SPTY2D1: variants seen among roughly 807,000 people sequenced by gnomAD.
The protein encoded by SPTY2D1 is SPT2 chromatin protein domain containing 1.
Under a neutral mutation model 64.0 loss-of-function variants are expected in SPTY2D1, and 21 were observed. That is an observed-to-expected ratio of 0.33 (90% CI 0.23 to 0.47). SPTY2D1 has a LOEUF of 0.47. Ranked by LOEUF, SPTY2D1 falls within the 20% of genes least tolerant of loss-of-function variation. The pLI is 1.00. For synonymous variants in SPTY2D1, 287 were observed against 286.8 expected (o/e 1.00, Z -0.01); for missense variants, 724 against 837.2 (o/e 0.86, Z 1.67).
chr11:18,634,212 C>T lies in SPTY2D1; in HGVS notation c.46G>A (p.Val16Ile). 1 of 1,614,220 alleles carries T rather than the reference C, an allele frequency of 6.2e-7. No homozygotes were observed. The highest frequency in any genetic ancestry group is 8.5e-7 in the Non-Finnish European group (1 of 1,180,034). The change falls in exon 1 of 6, where the codon GTC becomes ATC. Residue 16 changes from valine (V) to isoleucine (I), a missense_variant. Physicochemically the swap from Val to Ile is conservative, Grantham distance 29 (BLOSUM62 3). Transcript: ENST00000336349. ...CTGCTACTTACCGGCACATTGTTGACACCTTGTCCCTTGGAAGCTATCATG... is the reference window on the plus strand; with the variant it reads ...CTGCTACTTACCGGCACATTGTTGATACCTTGTCCCTTGGAAGCTATCATG... ...ILMIASKGQG[V>I]NNVPKRYSLA...
Position 18,612,603 on chromosome 11 carries a change from C to T in SPTY2D1, c.1712-115G>A. 2.2e-6 allele frequency: 2 copies of T among 918,048 alleles called. No individual in the cohort carries two copies. The highest frequency in any genetic ancestry group is 4.7e-5 in the South Asian group (2 of 42,120). The allele number at this position is 918,048 out of a possible 1,614,324, so 56.9% of individuals were successfully genotyped here. ...TGGTATCCTTTAAAACCAGAGCAAG[C>T]AGGCTGGCCCTTAGCGCAGAGCCAT... On this transcript the variant is annotated intron_variant, in intron 3 of 5. Transcript: ENST00000336349. The surrounding 1 kb of genome is among the most constrained non-coding windows in gnomAD (Gnocchi z 4.6).
At position 18,634,312 on chromosome 11, in the gene SPTY2D1, A is replaced by G; in HGVS notation, c.-55T>C. 6.3e-7 allele frequency: 1 copy of G among 1,598,512 alleles called. No individual in the cohort carries two copies. The highest frequency in any genetic ancestry group is 8.6e-7 in the Non-Finnish European group (1 of 1,167,462). ...GGCACTCGGAAAGGACTGACAGCGC[A>G]CCTAACCGAGGCGCCCAGCTACAGC... is the stretch of plus-strand genomic sequence containing the variant. On this transcript the variant is annotated 5_prime_UTR_variant, in exon 1 of 6. Transcript: ENST00000336349.
At position 18,616,073 on chromosome 11, in the gene SPTY2D1, C is replaced by T; in HGVS notation, c.201G>A (p.Glu67=). The T allele has an allele frequency of 2.5e-6, 4 of 1,609,530 alleles. No homozygotes were observed. Among genetic ancestry groups the T allele is most frequent in the Non-Finnish European group, 3.4e-6 (4 of 1,177,952 alleles). The part of the protein sequence containing the change: ...RKALEEKRRK[E]ELVKKRIELK... ...GCTCAATTCGCTTTTTCACTAGTTCCTCTTTTCTCCTTTTCTCCTCTAAGG... is the reference window on the plus strand; with the variant it reads ...GCTCAATTCGCTTTTTCACTAGTTCTTCTTTTCTCCTTTTCTCCTCTAAGG... The change falls in exon 3 of 6, where the codon GAG becomes GAA. Residue 67 remains glutamate (E), a synonymous_variant. Transcript: ENST00000336349.
intron 1 of SPTY2D1, among the ~76,000 whole-genome samples, chr11:18,620,239 A>G (rs1388418234): frequency 1.3e-5 from 2 of 151,756 alleles, no homozygotes; most frequent in African/African-American, 4.8e-5. Flanking sequence ...CTTTGGGAGG[A>G]CAAGGCGGGC....
chr11:18,629,999 T>C (rs895761648), intron 1 of SPTY2D1, among the ~76,000 whole-genome samples: 3 of 150,802 alleles, frequency 2.0e-5, no homozygotes, highest in African/African-American at 7.3e-5. Flanking sequence ...TGAAACCCCA[T>C]CTCTACTAAA....
At position 18,607,507 on chromosome 11, in the gene SPTY2D1, T is replaced by C. The variant is rs893162831; in HGVS notation, c.*2354A>G. 2.0e-5 allele frequency: 3 copies of C among 152,610 alleles called. No homozygotes were observed. Among genetic ancestry groups the C allele is most frequent in the African/African-American group, 4.8e-5 (2 of 41,438 alleles). 9.5% of individuals were successfully genotyped at this position (152,610 alleles called of 1,614,324 possible). On this transcript the variant is annotated 3_prime_UTR_variant, in exon 6 of 6. Coordinates refer to ENST00000336349, the MANE Select transcript of SPTY2D1 (RefSeq NM_194285.3). ...TACCCAAAAGGCACATCTTCAAATG[T>C]TGAATTAAGAAAATCCAAAAATCAA...
At chr11:18,611,616 CCT>C in intron 4 of SPTY2D1, 62 bp from the exon 5 acceptor site, 2 of 1,331,676 alleles carry the variant, frequency 1.5e-6, no homozygotes, top group Non-Finnish European at 2.1e-6. Context: ...GGAACTACGT[CCT>C]CTCATTTAAA....
intron 1 of SPTY2D1, 76 bp from the exon 2 acceptor site, chr11:18,617,065 G>C (rs915772701): frequency 1.8e-5 from 20 of 1,134,868 alleles, no homozygotes; most frequent in Middle Eastern, 4.1e-4. Flanking sequence ...CACTGTGCCA[G>C]GTAATAAGAG....
At chr11:18,617,824 C>A (rs1399083663) in intron 1 of SPTY2D1, among the ~76,000 whole-genome samples, 1 of 151,614 alleles carries the variant, frequency 6.6e-6, no homozygotes, top group Non-Finnish European at 1.5e-5. Flanking sequence ...CATCCGTAAT[C>A]CCAGCTGCTT....
At chr11:18,611,749 C>T (rs1272833707) in intron 4 of SPTY2D1, among the ~76,000 whole-genome samples, 195 bp from the exon 5 acceptor site, 3 of 152,146 alleles carry the variant, frequency 2.0e-5, no homozygotes, top group East Asian at 1.9e-4. Context: ...TTTAGATAAG[C>T]CCTTATTACC....
Position 18,611,569 on chromosome 11 carries a change from T to C in SPTY2D1, c.1887-15A>G. 1 of 1,607,238 alleles carries C rather than the reference T, an allele frequency of 6.2e-7. No homozygotes were observed. ...CATCTTTGTATCTGATAAAAGGAAATCAAAATGATAAAAAGAGAAAACTTC... is the reference window on the plus strand; with the variant it reads ...CATCTTTGTATCTGATAAAAGGAAACCAAAATGATAAAAAGAGAAAACTTC... On this transcript the variant is annotated splice_polypyrimidine_tract_variant and intron_variant, in intron 4 of 5. Coordinates refer to ENST00000336349, the MANE Select transcript of SPTY2D1 (RefSeq NM_194285.3).
intron 1 of SPTY2D1, among the ~76,000 whole-genome samples, chr11:18,626,865 C>A (rs1435395653): frequency 6.6e-6 from 1 of 152,098 alleles, no homozygotes; most frequent in East Asian, 1.9e-4. Flanking sequence ...TTCTAAAAGA[C>A]CCTCTCCCTA....
At chr11:18,623,164 T>TATC (rs367624802) in intron 1 of SPTY2D1, among the ~76,000 whole-genome samples, 68 of 152,278 alleles carry the variant, frequency 4.5e-4, no homozygotes, top group African/African-American at 1.6e-3. Flanking sequence ...TTTTTTAAGT[T>TATC]ATCACAAATT....
Position 18,615,287 on chromosome 11 carries a change from A to G in SPTY2D1, c.987T>C (p.Ala329=), listed in dbSNP as rs534177524. 19 of 1,614,236 alleles carry G rather than the reference A, an allele frequency of 1.2e-5. No individual in the cohort carries two copies. The African/African-American group carries it at 2.5e-4, about 22-fold the overall frequency. The stretch of plus-strand genomic sequence containing the variant: ...CAACAGCAGATTTCTGAGTCCTGCT[A>G]GCAGAAGTCTTTGGGACACTTGGTG... ...TSSPSVPKTS[A]SRTQKSAVEH... The change falls in exon 3 of 6, where the codon GCT becomes GCC. Residue 329 remains alanine (A), a synonymous_variant. Transcript: ENST00000336349.
At chr11:18,621,396 A>G (rs73424452) in intron 1 of SPTY2D1, among the ~76,000 whole-genome samples, 3,201 of 151,274 alleles carry the variant, frequency 0.021, 45 homozygotes, top group African/African-American at 0.04. Flanking sequence ...TTAGGGAACA[A>G]AAATACAGGA....
At chr11:18,621,519 T>C (rs371286270) in intron 1 of SPTY2D1, among the ~76,000 whole-genome samples, 68 of 152,268 alleles carry the variant, frequency 4.5e-4, no homozygotes, top group African/African-American at 1.6e-3. Context: ...CATCAATTTA[T>C]ATGTCAACTT....
At chr11:18,629,830 G>C (rs10832959) in intron 1 of SPTY2D1, among the ~76,000 whole-genome samples, 37,331 of 152,108 alleles carry the variant, frequency 0.25, 5,098 homozygotes, top group Non-Finnish European at 0.32. Flanking sequence ...ATGATGATTA[G>C]GGAAATACTC....
At chr11:18,628,981 G>A (rs1482840069) in intron 1 of SPTY2D1, among the ~76,000 whole-genome samples, 1 of 152,150 alleles carries the variant, frequency 6.6e-6, no homozygotes, top group African/African-American at 2.4e-5. Flanking sequence ...CCTAGTTAAT[G>A]TCCTGGGCTC....
rs769834684 is a variant in SPTY2D1 at position 18,606,765 on chromosome 11, T to C, written c.*3096A>G. 5 of 389,356 alleles carry C rather than the reference T, an allele frequency of 1.3e-5. No homozygotes were observed. Among genetic ancestry groups the C allele is most frequent in the Non-Finnish European group, 1.5e-5 (3 of 205,044 alleles). 24.1% of individuals were successfully genotyped at this position (389,356 alleles called of 1,614,324 possible). On this transcript the variant is annotated 3_prime_UTR_variant, in exon 6 of 6. Transcript: ENST00000336349. ...TGGTCTCCTGCTATATCTCAGAAATTTACCAATAGCTGCTTTTAAGTTACA... is the reference window on the plus strand; with the variant it reads ...TGGTCTCCTGCTATATCTCAGAAATCTACCAATAGCTGCTTTTAAGTTACA...
Sources: allele counts gnomAD v4.1 joint callset (sites outside exome capture counted in the v4.1 genomes callset), GRCh38; gene constraint gnomAD v4.1.1; non-coding constraint Gnocchi (gnomAD v3.1); transcripts MANE v1.5; gene names NCBI Gene and HGNC (gene_info 2026-07-23, HGNC 2026-07-21).